Variants in MAF observed in about 807,000 individuals in gnomAD.
MAF encodes transcription factor Maf.
MAF carries 10 observed loss-of-function variants against 22.0 expected under a neutral mutation model. The ratio of observed to expected loss-of-function variants is 0.45; its 90% CI spans 0.28 to 0.77. MAF has a LOEUF of 0.77. Ranked by LOEUF, MAF falls within the 30% of genes least tolerant of loss-of-function variation. MAF has a pLI of 0.12. For missense variants in MAF, 544 were observed against 548.4 expected (o/e 0.99, Z 0.08); for synonymous variants, 337 against 255.8 (o/e 1.32, Z -3.03).
chr16:79,292,276 T>C, the MAF span, among the ~76,000 whole-genome samples: 2 of 152,184 alleles, frequency 1.3e-5, no homozygotes, highest in African/African-American at 4.8e-5. Context: ...ATCCAGTGAT[T>C]ACACACAGAC....
At chr16:79,542,119 A>T in the MAF span, among the ~76,000 whole-genome samples, 1 of 152,152 alleles carries the variant, frequency 6.6e-6, no homozygotes, top group African/African-American at 2.4e-5. Flanking sequence ...TCCAACTGCT[A>T]ATGACAATTC....
the MAF span, among the ~76,000 whole-genome samples, chr16:79,494,279 A>G: frequency 1.3e-5 from 2 of 152,118 alleles, no homozygotes; most frequent in African/African-American, 4.8e-5. Flanking sequence ...CTGGGAAAAA[A>G]TTGGGTTTGC....
At chr16:79,411,522 C>T in the MAF span, among the ~76,000 whole-genome samples, 1 of 152,074 alleles carries the variant, frequency 6.6e-6, no homozygotes, top group East Asian at 1.9e-4. Flanking sequence ...AGATGAGAGC[C>T]CTGCAGGGGT....
the MAF span, among the ~76,000 whole-genome samples, chr16:79,472,782 A>G: frequency 6.6e-6 from 1 of 152,094 alleles, no homozygotes; most frequent in East Asian, 1.9e-4. Context: ...ATGTATATAA[A>G]TTGTACGTCA....
At chr16:79,325,445 T>C in the MAF span, among the ~76,000 whole-genome samples, 1 of 152,052 alleles carries the variant, frequency 6.6e-6, no homozygotes, top group African/African-American at 2.4e-5. Context: ...AGGAGGCTCA[T>C]GAAGCTCAGA....
the MAF span, among the ~76,000 whole-genome samples, chr16:79,234,500 T>C: frequency 4.1e-4 from 63 of 152,212 alleles, no homozygotes; most frequent in Non-Finnish European, 6.9e-4. Flanking sequence ...ACCAACATGC[T>C]TTAATAACTT....
chr16:79,590,490 T>G (rs1166595804), downstream of MAF, among the ~76,000 whole-genome samples: 2 of 152,152 alleles, frequency 1.3e-5, no homozygotes, highest in Non-Finnish European at 2.9e-5. Flanking sequence ...CAGTGACTTT[T>G]GAGGCTCTTT....
At chr16:79,530,909 A>G in the MAF span, among the ~76,000 whole-genome samples, 1 of 152,228 alleles carries the variant, frequency 6.6e-6, no homozygotes, top group South Asian at 2.1e-4. Context: ...CTCTTGAGCC[A>G]GCCAGATCCT....
At chr16:79,577,879 CT>C in the MAF span, among the ~76,000 whole-genome samples, 1 of 152,126 alleles carries the variant, frequency 6.6e-6, no homozygotes, top group African/African-American at 2.4e-5. Context: ...CCATCGACCC[CT>C]TTTTCTACAT....
the MAF span, among the ~76,000 whole-genome samples, chr16:79,357,252 T>TAA: frequency 5.3e-3 from 588 of 111,428 alleles, 3 homozygotes; most frequent in Middle Eastern, 0.021. Context: ...CAAGACTCTG[T>TAA]CACAACAACA....
the MAF span, among the ~76,000 whole-genome samples, chr16:79,368,585 A>T: frequency 6.6e-6 from 1 of 152,080 alleles, no homozygotes; most frequent in Non-Finnish European, 1.5e-5. Flanking sequence ...CTCAGAGTAA[A>T]TGTTGATGTC....
chr16:79,259,281 T>C, the MAF span, among the ~76,000 whole-genome samples: 2 of 152,164 alleles, frequency 1.3e-5, no homozygotes, highest in African/African-American at 4.8e-5. Context: ...CCTTTGCAGA[T>C]GCTGTTCCCC....
At chr16:79,585,457 C>T (rs969551192), downstream of MAF, among the ~76,000 whole-genome samples, 6 of 152,030 alleles carry the variant, frequency 3.9e-5, no homozygotes, top group East Asian at 1.9e-4. Context: ...CCGGTAAAAC[C>T]GGCCAAGGGC....
chr16:79,497,320 C>A, the MAF span, among the ~76,000 whole-genome samples: 5 of 152,136 alleles, frequency 3.3e-5, no homozygotes, highest in Non-Finnish European at 7.4e-5. Context: ...TAGAAGGCAC[C>A]CTTTTTTACC....
chr16:79,240,414 G>A, the MAF span, among the ~76,000 whole-genome samples: 19 of 133,666 alleles, frequency 1.4e-4, no homozygotes, highest in South Asian at 3.9e-3. Flanking sequence ...GACCTCTCTA[G>A]CCAACATCAT....
At chr16:79,539,619 A>G in the MAF span, among the ~76,000 whole-genome samples, 2 of 152,258 alleles carry the variant, frequency 1.3e-5, no homozygotes, top group South Asian at 4.1e-4. Flanking sequence ...TAAGATTTAT[A>G]AAGATGTTCA....
At chr16:79,564,112 C>T in the MAF span, among the ~76,000 whole-genome samples, 2 of 152,246 alleles carry the variant, frequency 1.3e-5, no homozygotes, top group African/African-American at 4.8e-5. Flanking sequence ...GCCACTGCCG[C>T]CCCTTCAGGC....
At chr16:79,479,764 C>G in the MAF span, among the ~76,000 whole-genome samples, 1 of 152,194 alleles carries the variant, frequency 6.6e-6, no homozygotes, top group Non-Finnish European at 1.5e-5. Context: ...TGTGCTGGTA[C>G]TCTATATCCA....
At chr16:79,389,284 CAG>C in the MAF span, among the ~76,000 whole-genome samples, 1 of 152,142 alleles carries the variant, frequency 6.6e-6, no homozygotes, top group Non-Finnish European at 1.5e-5. Flanking sequence ...ATTTATGAGA[CAG>C]AGTCTCACTC....
Sources: allele counts gnomAD v4.1 joint callset (sites outside exome capture counted in the v4.1 genomes callset), GRCh38; gene constraint gnomAD v4.1.1; transcripts MANE v1.5; gene names NCBI Gene and HGNC (gene_info 2026-07-23, HGNC 2026-07-21).